The following ARID4B variants were observed in gnomAD, a reference collection of about 807,000 sequenced individuals.
ARID4B encodes the protein AT-rich interactive domain-containing protein 4B.
A neutral mutation model predicts 147.5 loss-of-function variants in ARID4B; 26 were observed. The ratio of observed to expected loss-of-function variants is 0.18; its 90% CI spans 0.13 to 0.24. The LOEUF (loss-of-function observed/expected upper bound fraction) is 0.24. Among genes scored for constraint, ARID4B ranks in the 10% least tolerant of loss-of-function variants. The pLI is 1.00. For synonymous variants in ARID4B, 512 were observed against 507.9 expected, an observed-to-expected ratio of 1.01 and a Z score of -0.11; for missense variants, 1,179 against 1,511.5, an observed-to-expected ratio of 0.78 and a Z score of 3.65.
intron 19 of ARID4B, 90 bp from the exon 20 acceptor site, chr1:235,182,883 T>C: frequency 1.5e-6 from 2 of 1,291,724 alleles, no homozygotes; most frequent in South Asian, 1.7e-5. Context: ...TTAGGTCCTG[T>C]GTATACAGCC....
At chr1:235,257,111 T>G (rs1670034131) in intron 4 of ARID4B, 49 bp downstream of exon 4, 16 of 1,286,008 alleles carry the variant, frequency 1.2e-5, no homozygotes, top group Non-Finnish European at 1.8e-5. Context: ...CAAGTATGAT[T>G]ATTTTTTCCC....
intron 5 of ARID4B, among the ~76,000 whole-genome samples, chr1:235,254,433 A>G (rs1669823432): frequency 6.6e-6 from 1 of 152,050 alleles, no homozygotes; most frequent in Admixed American, 6.5e-5. Context: ...AAAAATACAT[A>G]CTACTGTAGG....
intron 2 of ARID4B, among the ~76,000 whole-genome samples, chr1:235,262,931 G>A (rs1670380226): frequency 6.6e-6 from 1 of 152,182 alleles, no homozygotes; most frequent in African/African-American, 2.4e-5. Context: ...TGCACATACT[G>A]AATATATTCA....
At chr1:235,218,366 T>A (rs968553030) in intron 16 of ARID4B, among the ~76,000 whole-genome samples, 2 of 152,094 alleles carry the variant, frequency 1.3e-5, no homozygotes, top group Non-Finnish European at 2.9e-5. Context: ...CTTAAAAAAT[T>A]AGCAAAGAAA....
intron 7 of ARID4B, among the ~76,000 whole-genome samples, chr1:235,245,623 G>A (rs973789653): frequency 3.3e-5 from 5 of 152,148 alleles, no homozygotes; most frequent in South Asian, 2.1e-4. Flanking sequence ...TAAACACCAG[G>A]AAGCAGAATT....
Position 235,213,857 on chromosome 1 carries a change from G to T in ARID4B, c.1753C>A (p.Gln585Lys), listed in dbSNP as rs141973838. 45 of 1,613,644 alleles carry T rather than the reference G, an allele frequency of 2.8e-5. No individual in the cohort carries two copies. The highest frequency in any genetic ancestry group is 1.7e-5 in the Admixed American group (1 of 59,976). ...TTAATACTAGCTTCATACATTTTTT[G>T]ATTTTTCCCTCGTCCATACCGCACT... is the stretch of plus-strand genomic sequence containing the variant. Reference protein sequence around the residue: ...VQVRYGRGKNQKMYEASIKDS... With the variant: ...VQVRYGRGKNKKMYEASIKDS... Residue 585 changes from glutamine (Q) to lysine (K), a missense_variant, in exon 17 of 24, where the codon CAA (glutamine) becomes AAA (lysine). By Grantham distance (53) the Gln-to-Lys change is moderately conservative. Coordinates refer to ENST00000264183, the MANE Select transcript of ARID4B (RefSeq NM_016374.6).
intron 2 of ARID4B, among the ~76,000 whole-genome samples, chr1:235,270,307 C>T (rs1388310336): frequency 6.6e-6 from 1 of 151,968 alleles, no homozygotes; most frequent in Non-Finnish European, 1.5e-5. Flanking sequence ...CAAAACAAAA[C>T]AAAAAAACTC....
intron 2 of ARID4B, among the ~76,000 whole-genome samples, chr1:235,303,207 G>A (rs1673310340): frequency 6.6e-6 from 1 of 152,168 alleles, no homozygotes; most frequent in Non-Finnish European, 1.5e-5. Context: ...ACAGGCCTGA[G>A]CCACCACACC....
intron 2 of ARID4B, among the ~76,000 whole-genome samples, chr1:235,268,420 T>A (rs567690541): frequency 6.6e-6 from 1 of 152,056 alleles, no homozygotes; most frequent in African/African-American, 2.4e-5. Flanking sequence ...TAGGTGTGCG[T>A]GTGTGTCCCT....
intron 18 of ARID4B, 92 bp from the exon 19 acceptor site, chr1:235,194,303 A>G: frequency 1.1e-6 from 1 of 927,238 alleles, no homozygotes; most frequent in Non-Finnish European, 1.6e-6. Flanking sequence ...ATTACAGAAT[A>G]TGTTGTTAAA....
chr1:235,187,351 T>C (rs540560832), intron 19 of ARID4B, among the ~76,000 whole-genome samples: 8 of 152,216 alleles, frequency 5.3e-5, no homozygotes, highest in Non-Finnish European at 8.8e-5. Context: ...CCCAAAATGC[T>C]GGAATTACAG....
At chr1:235,272,115 C>T (rs139956942) in intron 2 of ARID4B, among the ~76,000 whole-genome samples, 8 of 152,186 alleles carry the variant, frequency 5.3e-5, no homozygotes, top group East Asian at 1.9e-4. Flanking sequence ...CCAAAAGAAA[C>T]GGACCCACAC....
At chr1:235,211,629 A>G (rs1330736193) in intron 17 of ARID4B, among the ~76,000 whole-genome samples, 1 of 152,158 alleles carries the variant, frequency 6.6e-6, no homozygotes, top group East Asian at 1.9e-4. Context: ...CTCAGGCTGG[A>G]GTACAGTGGC....
Position 235,182,006 on chromosome 1 carries a change from A to C in ARID4B, c.2913T>G (p.Thr971=). The change falls in exon 20 of 24, where the codon ACT becomes ACG. Residue 971 remains threonine, a synonymous_variant. Transcript: ENST00000264183. ...EEGVAEESLQ[T]VAEEESCSPS... ...GTGAACAACTCTCCTCTTCAGCCAC[A>C]GTCTGCAGTGACTCCTCTGCCACCC... The C allele has an allele frequency of 6.2e-7, 1 of 1,614,166 alleles. No homozygotes were observed. The highest frequency in any genetic ancestry group is 1.1e-5 in the South Asian group (1 of 91,090).
At chr1:235,271,428 G>A (rs773694792) in intron 2 of ARID4B, among the ~76,000 whole-genome samples, 1 of 151,918 alleles carries the variant, frequency 6.6e-6, no homozygotes. Context: ...TCAGGAGTTC[G>A]AGTCCAGCCT....
chr1:235,302,160 A>AC, intron 2 of ARID4B, among the ~76,000 whole-genome samples: 1 of 143,548 alleles, frequency 7.0e-6, no homozygotes, highest in Admixed American at 7.0e-5. Flanking sequence ...ACGGAAAAAA[A>AC]AAAAAAAAAA....
chr1:235,226,992 C>G (rs1164824498), intron 11 of ARID4B, among the ~76,000 whole-genome samples: 1 of 152,112 alleles, frequency 6.6e-6, no homozygotes, highest in African/African-American at 2.4e-5. Flanking sequence ...TTTAGACTAG[C>G]AAATGAACTG....
intron 17 of ARID4B, among the ~76,000 whole-genome samples, chr1:235,198,543 T>C (rs769935210): frequency 3.9e-5 from 6 of 152,206 alleles, no homozygotes; most frequent in Non-Finnish European, 8.8e-5. Flanking sequence ...GGATGCTTGG[T>C]ATGGTACAGG....
intron 2 of ARID4B, among the ~76,000 whole-genome samples, chr1:235,308,256 G>A (rs1045505785): frequency 8.1e-6 from 1 of 124,010 alleles, no homozygotes; most frequent in African/African-American, 3.0e-5. Context: ...ATGCTACCAT[G>A]CACAGCTAAT....
Sources: allele counts gnomAD v4.1 joint callset (sites outside exome capture counted in the v4.1 genomes callset), GRCh38; gene constraint gnomAD v4.1.1; transcripts MANE v1.5; gene names NCBI Gene and HGNC (gene_info 2026-07-23, HGNC 2026-07-21).